TMCC2: variants seen among roughly 807,000 people sequenced by gnomAD.
TMCC2 encodes the protein transmembrane and coiled-coil domain family 2.
A neutral mutation model predicts 49.4 loss-of-function variants in TMCC2; 16 were observed. That is an observed-to-expected ratio of 0.32 (90% CI 0.22 to 0.49). TMCC2 has a LOEUF of 0.49. Ranked by LOEUF, TMCC2 falls within the 20% of genes least tolerant of loss-of-function variation. The probability of loss-of-function intolerance (pLI) is 0.99; values close to 1 mark genes in which losing one functional copy is unlikely to be tolerated. For missense variants in TMCC2, 762 were observed against 989.8 expected (o/e 0.77, Z 3.09); for synonymous variants, 397 against 434.1 (o/e 0.91, Z 1.06).
In TMCC2 at chr1:205,259,005, G is replaced by C. The variant is rs561182377; in HGVS notation, c.748-9945G>C. Among the ~76,000 whole-genome samples the C allele has an allele frequency of 8.5e-5, 13 of 152,266 alleles. No homozygotes were observed. In the South Asian group the frequency reaches 1.4e-3, roughly 17 times the overall value. On this transcript the variant is annotated intron_variant, in intron 2 of 4. Transcript: ENST00000358024. ...GCCTGCCAGCCCCGGGGCCGCACTC[G>C]CCTGCTGGGCTCTGACCCACTGGGA... is the stretch of plus-strand genomic sequence containing the variant.
At chr1:205,270,254 G>A (rs989302667) in intron 3 of TMCC2, among the ~76,000 whole-genome samples, 1 of 152,132 alleles carries the variant, frequency 6.6e-6, no homozygotes, top group Non-Finnish European at 1.5e-5. Flanking sequence ...CACCATGTTG[G>A]CCAGGCTGGT....
At chr1:205,252,214 C>A (rs1253673893) in intron 2 of TMCC2, among the ~76,000 whole-genome samples, 1 of 152,198 alleles carries the variant, frequency 6.6e-6, no homozygotes, top group African/African-American at 2.4e-5. Context: ...GAAGGACTAC[C>A]TAAACAGGAG....
chr1:205,237,909 T>C (rs1010054665), intron 1 of TMCC2, among the ~76,000 whole-genome samples: 3 of 152,118 alleles, frequency 2.0e-5, no homozygotes, highest in Non-Finnish European at 4.4e-5. Context: ...CCTGGGAGGC[T>C]CTCCTTTCTG....
chr1:205,228,398 AC>A lies in TMCC2; in HGVS notation c.-164del. ...GGCTCCCCCTTCTCGCCCCTCCCTCACCCGCCTTTAAGAATTTTTTTTTTAA... is the reference window on the plus strand; with the variant it reads ...GGCTCCCCCTTCTCGCCCCTCCCTCACCGCCTTTAAGAATTTTTTTTTTAA... On this transcript the variant is annotated 5_prime_UTR_variant, in exon 1 of 5. Coordinates refer to ENST00000358024, the MANE Select transcript of TMCC2 (RefSeq NM_014858.4). 1 of 578,236 alleles carries A rather than the reference AC, an allele frequency of 1.7e-6. No homozygotes were observed. The highest frequency in any genetic ancestry group is 3.0e-6 in the Non-Finnish European group (1 of 335,722). 35.8% of individuals were successfully genotyped at this position (578,236 alleles called of 1,614,324 possible).
Position 205,246,468 on chromosome 1 carries a change from A to G in TMCC2, c.747+4424A>G, listed in dbSNP as rs1425549480. On this transcript the variant is annotated intron_variant, in intron 2 of 4. Transcript: ENST00000358024. ...AGGCATAAATTTGGGAGTTGTCAGC[A>G]TATAGATAGTATTTAAAATGATGGG... 4.9e-6 allele frequency: 7 copies of G among 1,420,240 alleles called. No homozygotes were observed. The East Asian group carries it at 1.6e-4, about 32-fold the overall frequency. The allele number at this position is 1,420,240 out of a possible 1,614,324, so 88.0% of individuals were successfully genotyped here. A position where few individuals can be genotyped will look rare whatever the true frequency, so the allele number is the denominator to read the frequency against.
rs1661230275 is a variant in TMCC2 at position 205,264,259 on chromosome 1, C to G, written c.748-4691C>G. Among the ~76,000 whole-genome samples, 2 of 152,210 alleles carry G rather than the reference C, an allele frequency of 1.3e-5. No homozygotes were observed. Among genetic ancestry groups the G allele is most frequent in the South Asian group, 4.1e-4 (2 of 4,832 alleles). ...AATCATCTCTAGATTACGTACAATA[C>G]CTAGTACAATGTAAATACTATGAAA... On this transcript the variant is annotated intron_variant, in intron 2 of 4. Transcript: ENST00000358024. This position sits in a 1 kb window ranked among gnomAD's most constrained non-coding sequence, Gnocchi z 4.2.
intron 2 of TMCC2, among the ~76,000 whole-genome samples, chr1:205,251,965 G>T (rs1660687419): frequency 6.6e-6 from 1 of 152,206 alleles, no homozygotes; most frequent in East Asian, 1.9e-4. Flanking sequence ...TGGCAAATAG[G>T]GTGGGGTAGA....
rs747134933 is a variant in TMCC2, at chr1:205,271,946, T to C, written c.1952T>C (p.Leu651Pro). The C allele has an allele frequency of 6.2e-7, 1 of 1,614,222 alleles. No individual in the cohort carries two copies. Among genetic ancestry groups the C allele is most frequent in the Non-Finnish European group, 8.5e-7 (1 of 1,180,032 alleles). The change falls in exon 5 of 5, where the codon CTG becomes CCG. Residue 651 changes from leucine (L) to proline (P), a missense_variant. Leu to Pro is a moderately conservative substitution (Grantham distance 98). This residue lies in a region of TMCC2 where 440 missense variants were observed against 636.7 expected (regional missense o/e 0.69). Coordinates refer to ENST00000358024, the MANE Select transcript of TMCC2 (RefSeq NM_014858.4). Reference protein sequence around the residue: ...ALLGKFINVILALMAVLLVFV... With the variant: ...ALLGKFINVIPALMAVLLVFV... ...CTGGGCAAGTTCATCAACGTGATCC[T>C]GGCGCTCATGGCCGTGCTGCTGGTG...
intron 4 of TMCC2, chr1:205,271,483 A>T: frequency 1.4e-6 from 1 of 707,314 alleles, no homozygotes; most frequent in Non-Finnish European, 2.3e-6. Context: ...CACAGGGCAG[A>T]GGCCACCATG....
At chr1:205,244,511 G>A (rs550832197) in intron 2 of TMCC2, among the ~76,000 whole-genome samples, 3 of 152,340 alleles carry the variant, frequency 2.0e-5, no homozygotes, top group Admixed American at 2.0e-4. Context: ...GGGCAGTAAA[G>A]CTTTGGCTTG....
chr1:205,228,747 C>G lies in TMCC2; in HGVS notation c.183C>G (p.Pro61=), dbSNP rs757368009. 6.2e-7 allele frequency: 1 copy of G among 1,608,028 alleles called. No homozygotes were observed. Among genetic ancestry groups the G allele is most frequent in the Admixed American group, 1.7e-5 (1 of 59,312 alleles). The change falls in exon 1 of 5, where the codon CCC becomes CCG. Residue 61 remains proline (P), a synonymous_variant. Coordinates refer to ENST00000358024, the MANE Select transcript of TMCC2 (RefSeq NM_014858.4). ...CTGCCGCGGCGCCCAACCCAGGTCC[C>G]CGAAGCAAGCCTCCTGATTTAAAGG... ...AGAAAAPNPG[P]RSKPPDLKKI...
intron 1 of TMCC2, among the ~76,000 whole-genome samples, chr1:205,232,387 C>T (rs1184402966): frequency 6.6e-6 from 1 of 152,184 alleles, no homozygotes; most frequent in Non-Finnish European, 1.5e-5. Flanking sequence ...CAGCCACTTG[C>T]AGCTTGGATT....
chr1:205,229,592 C>G (rs1372307023), intron 1 of TMCC2: 1 of 957,508 alleles, frequency 1.0e-6, no homozygotes, highest in African/African-American at 2.1e-5. Flanking sequence ...GGTGGATTTC[C>G]TGCCGTTAGG....
At position 205,228,306 on chromosome 1, in the gene TMCC2, G is replaced by A; in HGVS notation, c.-259G>A. On this transcript the variant is annotated 5_prime_UTR_variant, in exon 1 of 5. Transcript: ENST00000358024. Reference sequence around the variant, plus strand: ...CAATGACTGCCCAAGGACTCTTGCTGCCCAGCCTCGACTGTGACCTGTCTT... The same window carrying A: ...CAATGACTGCCCAAGGACTCTTGCTACCCAGCCTCGACTGTGACCTGTCTT... 2.7e-6 allele frequency: 1 copy of A among 373,018 alleles called. No individual in the cohort carries two copies. The highest frequency in any genetic ancestry group is 4.9e-6 in the Non-Finnish European group (1 of 203,222). 23.1% of individuals were successfully genotyped at this position (373,018 alleles called of 1,614,324 possible).
intron 2 of TMCC2, among the ~76,000 whole-genome samples, chr1:205,263,864 G>A (rs1038415841): frequency 1.3e-5 from 2 of 152,196 alleles, no homozygotes; most frequent in African/African-American, 4.8e-5. Context: ...CTTAAGCTGT[G>A]GATCTGTCAG....
At position 205,271,840 on chromosome 1, in the gene TMCC2, G is replaced by A; in HGVS notation, c.1846G>A (p.Val616Ile). ...QEAVESCLTRVTKLELQQQQQ... is the reference protein window; with the variant it reads ...QEAVESCLTRITKLELQQQQQ... ...GGCCGTGGAGTCCTGCCTGACCCGG[G>A]TCACCAAGCTGGAGCTGCAGCAGCA... is the stretch of plus-strand genomic sequence containing the variant. Residue 616 changes from valine to isoleucine, a missense_variant, in exon 5 of 5, where the codon GTC (valine) becomes ATC (isoleucine). This residue lies in a region of TMCC2 where 440 missense variants were observed against 636.7 expected (regional missense o/e 0.69). Coordinates refer to ENST00000358024, the MANE Select transcript of TMCC2 (RefSeq NM_014858.4). The A allele has an allele frequency of 6.2e-7, 1 of 1,612,842 alleles. No homozygotes were observed. The highest frequency in any genetic ancestry group is 1.1e-5 in the South Asian group (1 of 91,064).
intron 2 of TMCC2, chr1:205,246,563 G>A (rs960166576): frequency 5.8e-6 from 9 of 1,547,532 alleles, no homozygotes; most frequent in South Asian, 1.2e-5. Flanking sequence ...CTCTGCACGC[G>A]TTGGCTAAAA....
rs756056990 is a variant in TMCC2, at chr1:205,269,381, A to G, written c.1179A>G (p.Ala393=). 2 of 1,609,952 alleles carry G rather than the reference A, an allele frequency of 1.2e-6. No individual in the cohort carries two copies. The highest frequency in any genetic ancestry group is 2.7e-5 in the African/African-American group (2 of 74,844). The change falls in exon 3 of 5, where the codon GCA becomes GCG. Residue 393 remains alanine (A), a synonymous_variant. Coordinates refer to ENST00000358024, the MANE Select transcript of TMCC2 (RefSeq NM_014858.4). ...GLKDVGANVR[A]GISGFGGGVV... is the part of the protein sequence containing the mutation. ...AGGACGTGGGCGCCAACGTGCGCGC[A>G]GGCATCAGCGGCTTTGGGGGCGGCG...
Position 205,228,754 on chromosome 1 carries a change from A to G in TMCC2, c.190A>G (p.Lys64Glu). The change falls in exon 1 of 5, where the codon AAG (lysine) becomes GAG (glutamate). Residue 64 changes from lysine to glutamate, a missense_variant. Physicochemically the swap from Lys to Glu is moderately conservative, Grantham distance 56. Coordinates refer to ENST00000358024, the MANE Select transcript of TMCC2 (RefSeq NM_014858.4). The stretch of plus-strand genomic sequence containing the variant: ...GGCGCCCAACCCAGGTCCCCGAAGC[A>G]AGCCTCCTGATTTAAAGGTGAGCGC... ...AAAPNPGPRS[K>E]PPDLKKIQQL... is the part of the protein sequence containing the mutation. The G allele has an allele frequency of 6.2e-7, 1 of 1,606,956 alleles. No homozygotes were observed. Among genetic ancestry groups the G allele is most frequent in the Non-Finnish European group, 8.5e-7 (1 of 1,177,662 alleles).
Sources: allele counts gnomAD v4.1 joint callset (sites outside exome capture counted in the v4.1 genomes callset), GRCh38; gene constraint gnomAD v4.1.1; regional missense constraint gnomAD v4.1.1; non-coding constraint Gnocchi (gnomAD v3.1); transcripts MANE v1.5; gene names NCBI Gene and HGNC (gene_info 2026-07-23, HGNC 2026-07-21).